Variants in CMKLR1 observed in about 807,000 individuals in gnomAD.
CMKLR1 encodes the protein chemerin-like receptor 1.
Under a neutral mutation model 8.2 loss-of-function variants are expected in CMKLR1, and 6 were observed. The observed-to-expected ratio is 0.73, with a 90% CI of 0.40 to 1.44. The LOEUF is 1.44. CMKLR1 is among the 40% of genes most tolerant of loss of function. CMKLR1 has a pLI of 0.02. For missense variants in CMKLR1, 429 were observed against 478.0 expected (o/e 0.90, Z 0.96); for synonymous variants, 178 against 181.2 (o/e 0.98, Z 0.14).
At position 108,292,316 on chromosome 12, in the gene CMKLR1, C is replaced by T. The variant is rs1216082084; in HGVS notation, c.647G>A (p.Arg216Gln). 25 of 1,613,994 alleles carry T rather than the reference C, an allele frequency of 1.5e-5. 1 individual carries two copies. The highest frequency in any genetic ancestry group is 5.5e-5 in the South Asian group (5 of 91,074). ...HSQMDPVGYS[R>Q]HMVVTVTRFL... ...GCGGGTGACAGTCACCACCATGTGC[C>T]GGCTATACCCCACAGGGTCCATTTG... is the stretch of plus-strand genomic sequence containing the variant. The change falls in exon 4 of 4, where the codon CGG becomes CAG. Residue 216 changes from arginine to glutamine, a missense_variant. Physicochemically the swap from Arg to Gln is conservative, Grantham distance 43. Transcript: ENST00000550402.
intron 2 of CMKLR1, among the ~76,000 whole-genome samples, chr12:108,309,025 T>A (rs909981315): frequency 1.3e-5 from 2 of 152,208 alleles, no homozygotes; most frequent in African/African-American, 2.4e-5. Flanking sequence ...ATCCCAGCTC[T>A]GCTGTGTGAC....
At chr12:108,317,289 A>G (rs914359420) in intron 2 of CMKLR1, among the ~76,000 whole-genome samples, 1 of 152,174 alleles carries the variant, frequency 6.6e-6, no homozygotes, top group Admixed American at 6.5e-5. Context: ...CTCTTCATCC[A>G]TGGTTATTAG....
At chr12:108,304,604 C>T (rs1056770351) in intron 2 of CMKLR1, among the ~76,000 whole-genome samples, 6 of 152,140 alleles carry the variant, frequency 3.9e-5, no homozygotes, top group Non-Finnish European at 8.8e-5. Context: ...TCTGTGTTTG[C>T]CTCTCTTTGT....
At chr12:108,296,169 C>T (rs952345103) in intron 2 of CMKLR1, among the ~76,000 whole-genome samples, 6 of 152,202 alleles carry the variant, frequency 3.9e-5, no homozygotes, top group Non-Finnish European at 8.8e-5. Context: ...GAAGAGCAGA[C>T]TCTTGGGCCC....
At chr12:108,338,515 C>A (rs528728412) in intron 1 of CMKLR1, among the ~76,000 whole-genome samples, 1 of 152,122 alleles carries the variant, frequency 6.6e-6, no homozygotes, top group Non-Finnish European at 1.5e-5. Context: ...GTAGAGAGGT[C>A]AAGCTGCCAC....
At chr12:108,301,197 T>C (rs929910298) in intron 2 of CMKLR1, among the ~76,000 whole-genome samples, 1 of 149,710 alleles carries the variant, frequency 6.7e-6, no homozygotes, top group African/African-American at 2.5e-5. Flanking sequence ...TGCCTCAGCC[T>C]CCCGAGTAGC....
chr12:108,338,321 CA>C (rs1322780047), intron 1 of CMKLR1, among the ~76,000 whole-genome samples: 1 of 152,106 alleles, frequency 6.6e-6, no homozygotes, highest in Non-Finnish European at 1.5e-5. Context: ...CAGACTTGAA[CA>C]GGAGAGTCAG....
chr12:108,319,963 C>T (rs1891821297), intron 2 of CMKLR1, among the ~76,000 whole-genome samples: 1 of 152,060 alleles, frequency 6.6e-6, no homozygotes, highest in Admixed American at 6.6e-5. Flanking sequence ...GTTCCCACTC[C>T]CAAGAAACCC....
chr12:108,331,709 G>A (rs1020682583), intron 1 of CMKLR1, among the ~76,000 whole-genome samples: 2 of 152,230 alleles, frequency 1.3e-5, no homozygotes, highest in Non-Finnish European at 2.9e-5. Context: ...AGGCAGGAGA[G>A]TCAAAGTGAT....
At chr12:108,333,631 A>T (rs1186923801) in intron 1 of CMKLR1, among the ~76,000 whole-genome samples, 1 of 152,198 alleles carries the variant, frequency 6.6e-6, no homozygotes, top group Non-Finnish European at 1.5e-5. Context: ...TAGCATGCCC[A>T]CCTTATGAAT....
At chr12:108,331,297 G>A (rs1247895627) in intron 1 of CMKLR1, among the ~76,000 whole-genome samples, 3 of 152,168 alleles carry the variant, frequency 2.0e-5, no homozygotes, top group South Asian at 2.1e-4. Flanking sequence ...GAGTCAGCAG[G>A]TTCATAAGTG....
At chr12:108,333,148 T>C (rs948225334) in intron 1 of CMKLR1, among the ~76,000 whole-genome samples, 2 of 152,162 alleles carry the variant, frequency 1.3e-5, no homozygotes, top group Non-Finnish European at 2.9e-5. Context: ...TTGTTTTTTG[T>C]ACCCATCTCC....
chr12:108,325,936 A>G (rs962389279), intron 2 of CMKLR1, among the ~76,000 whole-genome samples: 1 of 152,088 alleles, frequency 6.6e-6, no homozygotes, highest in Non-Finnish European at 1.5e-5. Context: ...GGCACAGGAC[A>G]TGTTGGGGTA....
intron 1 of CMKLR1, among the ~76,000 whole-genome samples, chr12:108,336,692 A>T (rs182794418): frequency 0.025 from 3,865 of 152,342 alleles, 453 homozygotes; most frequent in Admixed American, 0.2. Context: ...AGAGAATGAA[A>T]TAAGCTTTTG....
intron 2 of CMKLR1, among the ~76,000 whole-genome samples, chr12:108,303,218 C>T (rs17841964): frequency 0.011 from 1,609 of 152,296 alleles, 25 homozygotes; most frequent in African/African-American, 0.036. Context: ...TGCAAAGAGT[C>T]CTGGGCCCTA....
intron 2 of CMKLR1, among the ~76,000 whole-genome samples, chr12:108,294,219 A>T (rs949124003): frequency 6.6e-6 from 1 of 152,252 alleles, no homozygotes; most frequent in Non-Finnish European, 1.5e-5. Context: ...AGAAAGAAGC[A>T]TCATTCTTGC....
chr12:108,336,494 C>T (rs1010287766), intron 1 of CMKLR1, among the ~76,000 whole-genome samples: 27 of 151,462 alleles, frequency 1.8e-4, no homozygotes, highest in African/African-American at 5.3e-4. Flanking sequence ...TGCAGTGAGC[C>T]AAGATTGCGC....
intron 2 of CMKLR1, among the ~76,000 whole-genome samples, chr12:108,329,055 A>G (rs906956324): frequency 4.6e-5 from 7 of 152,202 alleles, no homozygotes; most frequent in African/African-American, 1.2e-4. Context: ...CAGACACCCC[A>G]TGAGATAAAG....
At chr12:108,295,541 C>T (rs1165811440) in intron 2 of CMKLR1, among the ~76,000 whole-genome samples, 1 of 152,234 alleles carries the variant, frequency 6.6e-6, no homozygotes, top group Non-Finnish European at 1.5e-5. Context: ...GAGGCTGGGG[C>T]AAGACTAGAA....
Sources: allele counts gnomAD v4.1 joint callset (sites outside exome capture counted in the v4.1 genomes callset), GRCh38; gene constraint gnomAD v4.1.1; transcripts MANE v1.5; gene names NCBI Gene and HGNC (gene_info 2026-07-23, HGNC 2026-07-21).